The following NUBPL variants were observed in gnomAD, a reference collection of about 807,000 sequenced individuals.
The protein encoded by NUBPL is iron-sulfur cluster transfer protein NUBPL.
Under a neutral mutation model 45.7 loss-of-function variants are expected in NUBPL, and 31 were observed. The ratio of observed to expected loss-of-function variants is 0.68; its 90% CI spans 0.51 to 0.92. The LOEUF (loss-of-function observed/expected upper bound fraction) is 0.92, where lower values mean the gene tolerates loss of function less well. Among genes scored for constraint, NUBPL ranks in the 40% least tolerant of loss-of-function variants. The pLI is 0.00. For synonymous variants in NUBPL, 144 were observed against 140.9 expected, an observed-to-expected ratio of 1.02 and a Z score of -0.15; for missense variants, 401 against 398.7, an observed-to-expected ratio of 1.01 and a Z score of -0.05.
intron 4 of NUBPL, among the ~76,000 whole-genome samples, chr14:31,647,347 A>G (rs972690554): frequency 6.6e-6 from 1 of 151,658 alleles, no homozygotes; most frequent in Non-Finnish European, 1.5e-5. Context: ...TTTATTGGAT[A>G]TGTTTCTTTA....
intron 7 of NUBPL, among the ~76,000 whole-genome samples, chr14:31,813,533 C>A (rs183067395): frequency 0.077 from 11,547 of 150,066 alleles, 484 homozygotes; most frequent in Non-Finnish European, 0.092. Flanking sequence ...ACACATACAT[C>A]CATACACACA....
At chr14:31,742,791 G>A (rs965452043) in intron 6 of NUBPL, among the ~76,000 whole-genome samples, 1 of 140,946 alleles carries the variant, frequency 7.1e-6, no homozygotes, top group Non-Finnish European at 1.5e-5. Context: ...TTTTTTGGTA[G>A]AGGTGGGGTT....
chr14:31,584,158 T>G (rs2033935647), intron 3 of NUBPL, among the ~76,000 whole-genome samples: 1 of 152,164 alleles, frequency 6.6e-6, no homozygotes, highest in African/African-American at 2.4e-5. Context: ...TTTCTTTTTT[T>G]TTTTCCTGAC....
At chr14:31,856,555 T>A (rs1048621284) in intron 10 of NUBPL, among the ~76,000 whole-genome samples, 1 of 152,118 alleles carries the variant, frequency 6.6e-6, no homozygotes, top group Admixed American at 6.5e-5. Context: ...ACAAGGCAAG[T>A]CCCTTCCGCC....
chr14:31,763,604 A>T (rs541911974), intron 6 of NUBPL, among the ~76,000 whole-genome samples: 134 of 152,270 alleles, frequency 8.8e-4, no homozygotes, highest in African/African-American at 3.2e-3. Flanking sequence ...ATCTGAATAT[A>T]TTTTTTGTTT....
chr14:31,587,438 C>T (rs768445960), intron 3 of NUBPL, among the ~76,000 whole-genome samples: 4 of 152,258 alleles, frequency 2.6e-5, no homozygotes, highest in East Asian at 1.9e-4. Flanking sequence ...ACTAGTATAA[C>T]GCCTGGCACG....
chr14:31,628,519 C>A (rs1250163397), intron 4 of NUBPL, among the ~76,000 whole-genome samples: 1 of 152,194 alleles, frequency 6.6e-6, no homozygotes, highest in Non-Finnish European at 1.5e-5. Context: ...GTCTAATTTA[C>A]TTGAAAGTTT....
chr14:31,668,921 G>T, intron 4 of NUBPL, among the ~76,000 whole-genome samples: 1 of 152,164 alleles, frequency 6.6e-6, no homozygotes, highest in Non-Finnish European at 1.5e-5. Context: ...AGTTGGAAAT[G>T]CAGAAATATC....
chr14:31,610,630 A>AG (rs2034730752), intron 4 of NUBPL, among the ~76,000 whole-genome samples: 2 of 143,028 alleles, frequency 1.4e-5, no homozygotes, highest in South Asian at 2.3e-4. Flanking sequence ...AAAAAAAAAA[A>AG]GAAAGAAAAC....
At chr14:31,816,570 A>G (rs531838821) in intron 7 of NUBPL, among the ~76,000 whole-genome samples, 2 of 151,958 alleles carry the variant, frequency 1.3e-5, no homozygotes, top group East Asian at 1.9e-4. Context: ...GTCTTCTGCT[A>G]GCTTTTGAAT....
chr14:31,745,647 T>C (rs2038382737), intron 6 of NUBPL, among the ~76,000 whole-genome samples: 2 of 151,970 alleles, frequency 1.3e-5, no homozygotes, highest in Admixed American at 1.3e-4. Flanking sequence ...TCCTGTTACT[T>C]TACTGAGTTT....
At chr14:31,739,187 T>C (rs1382661216) in intron 6 of NUBPL, among the ~76,000 whole-genome samples, 1 of 144,974 alleles carries the variant, frequency 6.9e-6, no homozygotes, top group African/African-American at 2.5e-5. Context: ...CTAATATATA[T>C]ATATATATTA....
chr14:31,857,509 A>G (rs1016966141), intron 10 of NUBPL, among the ~76,000 whole-genome samples: 2 of 152,178 alleles, frequency 1.3e-5, no homozygotes, highest in Non-Finnish European at 2.9e-5. Context: ...TTCTATTCCT[A>G]TCACAGTGTT....
At chr14:31,612,597 G>T (rs1257188981) in intron 4 of NUBPL, among the ~76,000 whole-genome samples, 1 of 151,912 alleles carries the variant, frequency 6.6e-6, no homozygotes, top group Admixed American at 6.6e-5. Flanking sequence ...GGAGGCGGAG[G>T]TTGCAGTGAG....
intron 6 of NUBPL, among the ~76,000 whole-genome samples, chr14:31,778,830 T>C (rs964389224): frequency 6.6e-6 from 1 of 152,198 alleles, no homozygotes; most frequent in African/African-American, 2.4e-5. Context: ...AGTAGTGTAT[T>C]GTGGACAAAT....
chr14:31,813,926 G>A (rs1398070786), intron 7 of NUBPL, among the ~76,000 whole-genome samples: 2 of 152,118 alleles, frequency 1.3e-5, no homozygotes, highest in African/African-American at 2.4e-5. Flanking sequence ...TTCTTATCCA[G>A]TCCATCATTG....
chr14:31,563,477 T>A (rs1226089190), intron 2 of NUBPL, among the ~76,000 whole-genome samples: 2 of 152,230 alleles, frequency 1.3e-5, no homozygotes, highest in African/African-American at 4.8e-5. Context: ...CTCACTTTTT[T>A]TCTGTTAACA....
chr14:31,658,364 A>G (rs754608372), intron 4 of NUBPL, among the ~76,000 whole-genome samples: 4 of 152,204 alleles, frequency 2.6e-5, no homozygotes, highest in Non-Finnish European at 5.9e-5. Flanking sequence ...CGGCTATTCC[A>G]TATGCAGTAT....
chr14:31,752,001 G>T (rs546846836), intron 6 of NUBPL, among the ~76,000 whole-genome samples: 10 of 152,328 alleles, frequency 6.6e-5, no homozygotes, highest in African/African-American at 2.4e-4. Context: ...CATGGCTGGA[G>T]CCTGGAGGAG....
Sources: gnomAD v4.1 joint callset for allele counts (sites outside exome capture counted in the v4.1 genomes callset) on GRCh38, gnomAD v4.1.1 for gene constraint, MANE v1.5 for transcripts, NCBI Gene and HGNC (gene_info 2026-07-23, HGNC 2026-07-21) for gene names.